Variants in OTUD7A observed in about 807,000 individuals in gnomAD.
OTUD7A encodes the protein OTU deubiquitinase 7A.
In OTUD7A, 12 loss-of-function variants were observed where a neutral mutation model predicts 65.7. That is an observed-to-expected ratio of 0.18 (90% CI 0.12 to 0.30). The LOEUF is 0.30. OTUD7A is among the 10% of genes least tolerant of loss of function. The pLI is 1.00. For missense variants in OTUD7A, 1,148 were observed against 1,304.8 expected (o/e 0.88, Z 1.85); for synonymous variants, 641 against 586.3 (o/e 1.09, Z -1.35).
chr15:31,755,690 T>C (rs1195969142), intron 1 of OTUD7A, among the ~76,000 whole-genome samples: 3 of 151,300 alleles, frequency 2.0e-5, no homozygotes, highest in Non-Finnish European at 4.4e-5. Context: ...CCACTGCACT[T>C]CAGCCTGGGA....
At chr15:31,697,695 C>T (rs1257650473) in intron 1 of OTUD7A, among the ~76,000 whole-genome samples, 7 of 152,236 alleles carry the variant, frequency 4.6e-5, no homozygotes, top group East Asian at 1.9e-4. Context: ...AACAACCCCG[C>T]GCTGCAGGGG....
chr15:31,746,775 C>T lies in OTUD7A; in HGVS notation c.-99-89698G>A, dbSNP rs543872060. ...CCTCCCAAAGTGCTGGGATTACAGGCATGAGCCACCAGGCCCGGCCTACCT... is the reference window on the plus strand; with the variant it reads ...CCTCCCAAAGTGCTGGGATTACAGGTATGAGCCACCAGGCCCGGCCTACCT... On this transcript the variant is annotated intron_variant, in intron 1 of 12. Coordinates refer to ENST00000307050, the MANE Select transcript of OTUD7A (RefSeq NM_001382637.1). Among the ~76,000 whole-genome samples the T allele has an allele frequency of 2.0e-5, 3 of 152,324 alleles. No homozygotes were observed. The East Asian group carries it at 5.8e-4, about 29-fold the overall frequency.
At chr15:31,585,068 G>A (rs1889489337) in intron 3 of OTUD7A, among the ~76,000 whole-genome samples, 1 of 152,178 alleles carries the variant, frequency 6.6e-6, no homozygotes. Context: ...TTGGTGAGAT[G>A]CATGCACATT....
chr15:31,531,751 C>T (rs1299263591), intron 5 of OTUD7A, among the ~76,000 whole-genome samples: 2 of 152,168 alleles, frequency 1.3e-5, no homozygotes, highest in African/African-American at 2.4e-5. Context: ...TCATCACTGC[C>T]TGCTCCATCA....
chr15:31,869,582 T>A lies in OTUD7A; in HGVS notation c.-100+925A>T, dbSNP rs1408622547. ...TTCCCCTGGATCCTTGTGCTGTGGA[T>A]GAAGCGTTTCCCTGATCGGGGTCTC... On this transcript the variant is annotated intron_variant, in intron 1 of 12. Transcript: ENST00000307050. 2.0e-5 allele frequency among the ~76,000 whole-genome samples: 3 copies of A among 152,234 alleles called. No individual in the cohort carries two copies. In the South Asian group the frequency reaches 6.2e-4, roughly 32 times the overall value.
chr15:31,499,462 T>G (rs1322770802), intron 10 of OTUD7A, among the ~76,000 whole-genome samples: 1 of 152,140 alleles, frequency 6.6e-6, no homozygotes, highest in Non-Finnish European at 1.5e-5. Context: ...CAGGCCTGAG[T>G]CTGCAGCTCA....
intron 1 of OTUD7A, among the ~76,000 whole-genome samples, chr15:31,813,483 C>A (rs910299459): frequency 2.0e-5 from 3 of 152,202 alleles, no homozygotes; most frequent in African/African-American, 7.2e-5. Flanking sequence ...GTCTTACCCT[C>A]CCCATAAACA....
At chr15:31,660,221 GC>G (rs1314368732) in intron 1 of OTUD7A, among the ~76,000 whole-genome samples, 1 of 152,240 alleles carries the variant, frequency 6.6e-6, no homozygotes. Context: ...TGGCGAGGAA[GC>G]CCACCCTGGT....
intron 3 of OTUD7A, among the ~76,000 whole-genome samples, chr15:31,598,815 G>A (rs1288310631): frequency 6.6e-6 from 1 of 152,208 alleles, no homozygotes; most frequent in African/African-American, 2.4e-5. Flanking sequence ...CTTGAGCTTG[G>A]TAGGGGGAGG....
intron 1 of OTUD7A, among the ~76,000 whole-genome samples, chr15:31,746,510 T>A (rs1200494565): frequency 9.6e-5 from 4 of 41,786 alleles, no homozygotes; most frequent in South Asian, 1.9e-3. Flanking sequence ...TTTACATATT[T>A]TTTTTTTTTT....
chr15:31,617,258 G>C (rs1194846115), intron 3 of OTUD7A, among the ~76,000 whole-genome samples: 1 of 152,186 alleles, frequency 6.6e-6, no homozygotes, highest in Non-Finnish European at 1.5e-5. Flanking sequence ...GGAGGCCGAG[G>C]TGGATGGATC....
At chr15:31,652,335 A>G (rs1406300954) in intron 3 of OTUD7A, among the ~76,000 whole-genome samples, 1 of 152,226 alleles carries the variant, frequency 6.6e-6, no homozygotes, top group Non-Finnish European at 1.5e-5. Flanking sequence ...TTATACAAAA[A>G]TCATCTCAAA....
chr15:31,490,424 G>A (rs531845467), intron 10 of OTUD7A, among the ~76,000 whole-genome samples: 3 of 152,232 alleles, frequency 2.0e-5, no homozygotes, highest in East Asian at 3.9e-4. Flanking sequence ...TTTTGTCTCC[G>A]ATGTGAAAAG....
chr15:31,734,667 T>C (rs1453457411), intron 1 of OTUD7A, among the ~76,000 whole-genome samples: 1 of 151,990 alleles, frequency 6.6e-6, no homozygotes, highest in Non-Finnish European at 1.5e-5. Flanking sequence ...AGACTCTCTA[T>C]TTAATAAGTG....
At chr15:31,616,834 G>A (rs987131208) in intron 3 of OTUD7A, among the ~76,000 whole-genome samples, 2 of 152,080 alleles carry the variant, frequency 1.3e-5, no homozygotes, top group African/African-American at 4.8e-5. Context: ...ATGAGCCACC[G>A]TGCCCAACCA....
Position 31,484,573 on chromosome 15 carries a change from T to A in OTUD7A, c.1523A>T (p.Gln508Leu). The A allele has an allele frequency of 1.2e-6, 2 of 1,611,194 alleles. No individual in the cohort carries two copies. The highest frequency in any genetic ancestry group is 1.7e-6 in the Non-Finnish European group (2 of 1,179,648). The change falls in exon 13 of 13, where the codon CAG (glutamine) becomes CTG (leucine). Residue 508 changes from glutamine (Q) to leucine (L), a missense_variant. By Grantham distance (113) the Gln-to-Leu change is moderately radical (BLOSUM62 -2). Transcript: ENST00000307050. This position sits in a 1 kb window ranked among gnomAD's most constrained non-coding sequence, Gnocchi z 4.5. ...GCGCGTCTTGTCCTTCTCCTTGCGC[T>A]GCTTCTCCTTCTCCTTGTCCTTGCC... is the stretch of plus-strand genomic sequence containing the variant. ...KNGKDKEKEK[Q>L]RKEKDKTRAD...
intron 1 of OTUD7A, among the ~76,000 whole-genome samples, chr15:31,743,450 G>A (rs1894395144): frequency 1.3e-5 from 2 of 152,132 alleles, no homozygotes; most frequent in African/African-American, 4.8e-5. Flanking sequence ...CAGCTAAACT[G>A]TGCTTCCAGT....
chr15:31,762,334 T>C (rs2140904845), intron 1 of OTUD7A, among the ~76,000 whole-genome samples: 1 of 152,324 alleles, frequency 6.6e-6, no homozygotes, highest in South Asian at 2.1e-4. Flanking sequence ...CATTGCTTTT[T>C]TTCTCTGTCC....
At chr15:31,766,317 C>T (rs986398799) in intron 1 of OTUD7A, 17 of 1,605,576 alleles carry the variant, frequency 1.1e-5, no homozygotes, top group African/African-American at 9.4e-5. Context: ...GGAAATCATA[C>T]GCATTAAAAG....
Sources: allele counts gnomAD v4.1 joint callset (sites outside exome capture counted in the v4.1 genomes callset), GRCh38; gene constraint gnomAD v4.1.1; non-coding constraint Gnocchi (gnomAD v3.1); transcripts MANE v1.5; gene names NCBI Gene and HGNC (gene_info 2026-07-23, HGNC 2026-07-21).